The following ZC2HC1A variants were observed in gnomAD, a reference collection of about 807,000 sequenced individuals.
ZC2HC1A encodes zinc finger C2HC domain-containing protein 1A.
A neutral mutation model predicts 40.7 loss-of-function variants in ZC2HC1A; 28 were observed. That is an observed-to-expected ratio of 0.69 (90% CI 0.51 to 0.94). The LOEUF (loss-of-function observed/expected upper bound fraction) is 0.94, where lower values mean the gene tolerates loss of function less well. Among genes scored for constraint, ZC2HC1A ranks in the 40% least tolerant of loss-of-function variants. The probability of loss-of-function intolerance (pLI) is 0.00; values close to 1 mark genes in which losing one functional copy is unlikely to be tolerated. For synonymous variants in ZC2HC1A, 129 were observed against 129.2 expected (o/e 1.00, Z 0.01); for missense variants, 389 against 386.3 (o/e 1.01, Z -0.06).
At chr8:78,682,848 C>T (rs1394828735) in intron 3 of ZC2HC1A, among the ~76,000 whole-genome samples, 2 of 152,130 alleles carry the variant, frequency 1.3e-5, no homozygotes, top group African/African-American at 2.4e-5. Flanking sequence ...TTCCTAGATA[C>T]AATAGGGATA....
At chr8:78,714,223 T>A (rs1182296659) in intron 7 of ZC2HC1A, among the ~76,000 whole-genome samples, 1 of 152,164 alleles carries the variant, frequency 6.6e-6, no homozygotes, top group Non-Finnish European at 1.5e-5. Context: ...TCACCTTGGG[T>A]AAGTTACTTA....
In ZC2HC1A at chr8:78,686,578, C is replaced by T; in HGVS notation, c.322C>T (p.Pro108Ser). The change falls in exon 4 of 9, where the codon CCT becomes TCT. Residue 108 changes from proline (P) to serine (S), a missense_variant. Transcript: ENST00000263849. ...DQALKEGGKLPPPPPPSYDPD... is the reference protein window; with the variant it reads ...DQALKEGGKLSPPPPPSYDPD... ...GGCCCTCAAAGAGGGTGGCAAACTT[C>T]CTCCTCCTCCTCCACCTTCTTATGA... 1 of 1,518,692 alleles carries T rather than the reference C, an allele frequency of 6.6e-7. No homozygotes were observed. The highest frequency in any genetic ancestry group is 2.4e-5 in the East Asian group (1 of 40,880). 94.1% of individuals were successfully genotyped at this position (1,518,692 alleles called of 1,614,324 possible).
Position 78,686,517 on chromosome 8 carries a change from C to G in ZC2HC1A, c.261C>G (p.Phe87Leu). Reference protein sequence around the residue: ...PSNWRRKHEEFIATIRAAKGL... With the variant: ...PSNWRRKHEELIATIRAAKGL... ...ATTGGAGAAGGAAACATGAAGAATT[C>G]ATTGCTACCATAAGAGCAGCTAAAG... Residue 87 changes from phenylalanine to leucine, a missense_variant, in exon 4 of 9, where the codon TTC becomes TTG. Physicochemically the swap from Phe to Leu is conservative, Grantham distance 22. Transcript: ENST00000263849. 1 of 1,549,626 alleles carries G rather than the reference C, an allele frequency of 6.5e-7. No individual in the cohort carries two copies. The highest frequency in any genetic ancestry group is 8.7e-7 in the Non-Finnish European group (1 of 1,147,300).
chr8:78,713,654 A>T (rs991004837), intron 7 of ZC2HC1A, among the ~76,000 whole-genome samples: 6 of 152,170 alleles, frequency 3.9e-5, no homozygotes, highest in African/African-American at 1.4e-4. Flanking sequence ...CCATTCATGC[A>T]CCAAAGTGAT....
In ZC2HC1A at chr8:78,719,671, T is replaced by C. The variant is rs1340922568; in HGVS notation, c.*2178T>C. 6.6e-6 allele frequency: 1 copy of C among 151,776 alleles called. No homozygotes were observed. The highest frequency in any genetic ancestry group is 1.5e-5 in the Non-Finnish European group (1 of 67,674). 9.4% of individuals were successfully genotyped at this position (151,776 alleles called of 1,614,324 possible). On this transcript the variant is annotated 3_prime_UTR_variant, in exon 9 of 9. Coordinates refer to ENST00000263849, the MANE Select transcript of ZC2HC1A (RefSeq NM_016010.3). The stretch of plus-strand genomic sequence containing the variant: ...GTTAGGTTGAAAAAGATGATTGTGG[T>C]GACTATTATTTCTTGTCCACTATTT...
intron 7 of ZC2HC1A, among the ~76,000 whole-genome samples, chr8:78,712,612 G>A (rs1438954159): frequency 2.0e-5 from 3 of 152,084 alleles, no homozygotes; most frequent in African/African-American, 4.8e-5. Context: ...GCCTACAACC[G>A]GGAAAAAGTA....
At chr8:78,697,314 C>A in intron 5 of ZC2HC1A, 93 bp from the exon 6 acceptor site, 1 of 1,040,930 alleles carries the variant, frequency 9.6e-7, no homozygotes, top group Non-Finnish European at 1.4e-6. Context: ...AGGCTGAAAT[C>A]CTAAACCCAA....
At chr8:78,695,157 T>C in intron 5 of ZC2HC1A, among the ~76,000 whole-genome samples, 1 of 152,162 alleles carries the variant, frequency 6.6e-6, no homozygotes, top group Admixed American at 6.5e-5. Flanking sequence ...ACCTGACTAG[T>C]TCTTGTCTAA....
Position 78,717,631 on chromosome 8 carries a change from T to C in ZC2HC1A, c.*138T>C, listed in dbSNP as rs1035015524. On this transcript the variant is annotated 3_prime_UTR_variant, in exon 9 of 9. Transcript: ENST00000263849. ...TTCCAGTTAATTTTGAAGTGTAATC[T>C]TTTGGCTATATAATGTGTGTATGTT... 1 of 959,464 alleles carries C rather than the reference T, an allele frequency of 1.0e-6. No individual in the cohort carries two copies. The highest frequency in any genetic ancestry group is 1.5e-6 in the Non-Finnish European group (1 of 668,440). The allele number at this position is 959,464 out of a possible 1,614,324, so 59.4% of individuals were successfully genotyped here. A position where few individuals can be genotyped will look rare whatever the true frequency, so the allele number is the denominator to read the frequency against.
intron 1 of ZC2HC1A, among the ~76,000 whole-genome samples, chr8:78,670,165 G>A (rs372122240): frequency 4.7e-4 from 72 of 151,844 alleles, no homozygotes; most frequent in African/African-American, 1.5e-3. Flanking sequence ...TGGGGTTTCT[G>A]CATGTTGGTC....
chr8:78,682,776 A>G (rs1030001998), intron 3 of ZC2HC1A, among the ~76,000 whole-genome samples: 2 of 152,210 alleles, frequency 1.3e-5, no homozygotes, highest in East Asian at 1.9e-4. Context: ...CCACAGTTCA[A>G]TCTGAGACAA....
At chr8:78,678,783 C>T (rs540380839) in intron 3 of ZC2HC1A, 104 bp downstream of exon 3, 92 of 610,796 alleles carry the variant, frequency 1.5e-4, no homozygotes, top group Admixed American at 3.9e-4. Flanking sequence ...CAATTATCTG[C>T]TACATTAAGA....
chr8:78,704,592 A>C (rs1393999681), intron 7 of ZC2HC1A, among the ~76,000 whole-genome samples: 1 of 152,020 alleles, frequency 6.6e-6, no homozygotes, highest in Non-Finnish European at 1.5e-5. Flanking sequence ...TGATCATCTC[A>C]TGAGTATCTT....
chr8:78,718,812 C>T lies in ZC2HC1A; in HGVS notation c.*1319C>T, dbSNP rs1479721011. The T allele has an allele frequency of 1.3e-5, 2 of 151,564 alleles. No individual in the cohort carries two copies. Among genetic ancestry groups the T allele is most frequent in the East Asian group, 3.9e-4 (2 of 5,188 alleles). The allele number at this position is 151,564 out of a possible 1,614,324, so 9.4% of individuals were successfully genotyped here. The stretch of plus-strand genomic sequence containing the variant: ...TGTAGTAATTTCTATTCAATCAAAC[C>T]TAAGAGAGCTTTGATCTTACTGTAA... On this transcript the variant is annotated 3_prime_UTR_variant, in exon 9 of 9. Coordinates refer to ENST00000263849, the MANE Select transcript of ZC2HC1A (RefSeq NM_016010.3).
Position 78,698,518 on chromosome 8 carries a change from G to A in ZC2HC1A, c.704+5G>A, listed in dbSNP as rs1021433939. ...GATAGCAGCCCCTCATGCAGGGTAAGTCTACACTGGATATAATTATTAGTG... is the reference window on the plus strand; with the variant it reads ...GATAGCAGCCCCTCATGCAGGGTAAATCTACACTGGATATAATTATTAGTG... On this transcript the variant is annotated splice_donor_5th_base_variant and intron_variant, in intron 7 of 8. Transcript: ENST00000263849. 6.4e-7 allele frequency: 1 copy of A among 1,571,846 alleles called. No individual in the cohort carries two copies. Among genetic ancestry groups the A allele is most frequent in the African/African-American group, 1.4e-5 (1 of 73,580 alleles).
In ZC2HC1A at chr8:78,669,971, C is replaced by CT. The variant is rs566684768; in HGVS notation, c.16+3820dup. 1.2e-3 allele frequency among the ~76,000 whole-genome samples: 153 copies of CT among 126,268 alleles called. 1 individual carries two copies. Among genetic ancestry groups the CT allele is most frequent in the Middle Eastern group, 8.3e-3 (2 of 242 alleles). The allele number at this position is 126,268 out of a possible 152,430, so 82.8% of individuals were successfully genotyped here. On this transcript the variant is annotated intron_variant, in intron 1 of 8. Transcript: ENST00000263849. ...TATTTCTTTCTTTCTTTCTTTCTTT[C>CT]TTTTTTTTTTTTTGATACGGAGTTT...
At chr8:78,670,565 A>T (rs2130410963) in intron 1 of ZC2HC1A, among the ~76,000 whole-genome samples, 1 of 152,338 alleles carries the variant, frequency 6.6e-6, no homozygotes, top group Middle Eastern at 3.4e-3. Context: ...TTGGCCATGT[A>T]GCAAGGGATT....
intron 7 of ZC2HC1A, among the ~76,000 whole-genome samples, chr8:78,712,820 A>C (rs989601627): frequency 1.3e-5 from 2 of 152,214 alleles, no homozygotes; most frequent in Non-Finnish European, 2.9e-5. Flanking sequence ...ATACCTATTA[A>C]TGGTGGAAAA....
chr8:78,670,299 G>A (rs1413240937), intron 1 of ZC2HC1A, among the ~76,000 whole-genome samples: 2 of 152,098 alleles, frequency 1.3e-5, no homozygotes, highest in Non-Finnish European at 2.9e-5. Context: ...TGCTTGGCCT[G>A]ATAATGTCTC....
Sources: gnomAD v4.1 joint callset for allele counts (sites outside exome capture counted in the v4.1 genomes callset) on GRCh38, gnomAD v4.1.1 for gene constraint, MANE v1.5 for transcripts, NCBI Gene and HGNC (gene_info 2026-07-23, HGNC 2026-07-21) for gene names.